The following MNAT1 variants were observed in gnomAD, a reference collection of about 807,000 sequenced individuals.
MNAT1 encodes the protein CDK-activating kinase assembly factor MAT1.
A neutral mutation model predicts 42.0 loss-of-function variants in MNAT1; 43 were observed. The ratio of observed to expected loss-of-function variants is 1.02; its 90% confidence interval spans 0.80 to 1.32. The LOEUF is 1.32. MNAT1 is among the 40% of genes most tolerant of loss of function. The probability of loss-of-function intolerance (pLI) is 0.00; values close to 1 mark genes in which losing one functional copy is unlikely to be tolerated. For missense variants in MNAT1, 306 were observed against 350.4 expected (o/e 0.87, Z 1.01); for synonymous variants, 118 against 120.0 (o/e 0.98, Z 0.11).
rs569957184 is a variant in MNAT1, at chr14:60,742,961, G to T, written c.89+8010G>T. On this transcript the variant is annotated intron_variant, in intron 1 of 7. Transcript: ENST00000261245. ...GAATAATGCTGCTGTGAACATTCAT[G>T]TACAAGTTTTCGTATGGACAAATGT... Among the ~76,000 whole-genome samples, 67 of 152,318 alleles carry T rather than the reference G, an allele frequency of 4.4e-4. No individual in the cohort carries two copies. The South Asian group carries it at 0.014, about 31-fold the overall frequency.
At chr14:60,912,662 T>C (rs2035399628) in intron 7 of MNAT1, among the ~76,000 whole-genome samples, 1 of 152,258 alleles carries the variant, frequency 6.6e-6, no homozygotes, top group African/African-American at 2.4e-5. Flanking sequence ...CACTGTCTTC[T>C]GGCTTGTAGA....
At chr14:60,802,252 G>A (rs2032227492) in intron 3 of MNAT1, among the ~76,000 whole-genome samples, 1 of 152,096 alleles carries the variant, frequency 6.6e-6, no homozygotes, top group Non-Finnish European at 1.5e-5. Flanking sequence ...ATAAGTTTTT[G>A]AGGTCTATTG....
At chr14:60,808,234 C>G (rs2139346509) in intron 3 of MNAT1, 91 bp from the exon 4 acceptor site, 2 of 729,070 alleles carry the variant, frequency 2.7e-6, no homozygotes, top group East Asian at 6.2e-5. Flanking sequence ...GACAACCTAA[C>G]AAATGAGTCA....
chr14:60,799,579 C>A, intron 3 of MNAT1, among the ~76,000 whole-genome samples: 1 of 151,916 alleles, frequency 6.6e-6, no homozygotes, highest in East Asian at 1.9e-4. Context: ...CAATTACAAG[C>A]AGGCAGTCAG....
chr14:60,887,183 T>G (rs1389944504), intron 7 of MNAT1, among the ~76,000 whole-genome samples: 1 of 149,990 alleles, frequency 6.7e-6, no homozygotes, highest in African/African-American at 2.5e-5. Flanking sequence ...TTTTTGTTGT[T>G]GTTGTTACAT....
At chr14:60,745,294 G>A (rs754441282) in intron 1 of MNAT1, among the ~76,000 whole-genome samples, 22 of 152,184 alleles carry the variant, frequency 1.4e-4, no homozygotes, top group Non-Finnish European at 7.4e-5. Flanking sequence ...GGTTGCTCAT[G>A]GTGGGAAGGC....
chr14:60,880,669 T>A (rs1451727025), intron 7 of MNAT1, among the ~76,000 whole-genome samples: 1 of 152,062 alleles, frequency 6.6e-6, no homozygotes, highest in Non-Finnish European at 1.5e-5. Flanking sequence ...CCTACATGCA[T>A]CTTCAAAAAC....
intron 7 of MNAT1, among the ~76,000 whole-genome samples, chr14:60,911,949 G>C (rs969875607): frequency 6.6e-6 from 1 of 151,904 alleles, no homozygotes; most frequent in African/African-American, 2.4e-5. Flanking sequence ...TTATTGTGTG[G>C]GAGTCTAAGT....
At chr14:60,823,575 T>C (rs2032967082) in intron 6 of MNAT1, among the ~76,000 whole-genome samples, 1 of 152,214 alleles carries the variant, frequency 6.6e-6, no homozygotes, top group African/African-American at 2.4e-5. Flanking sequence ...ACTGTACTTG[T>C]GGGCTGGGCA....
intron 1 of MNAT1, among the ~76,000 whole-genome samples, chr14:60,737,375 T>C (rs1460165614): frequency 6.6e-6 from 1 of 152,054 alleles, no homozygotes; most frequent in Non-Finnish European, 1.5e-5. Context: ...AACAGGAATA[T>C]AGCATAAACA....
intron 1 of MNAT1, among the ~76,000 whole-genome samples, chr14:60,780,761 C>T (rs1463191187): frequency 6.6e-6 from 1 of 151,844 alleles, no homozygotes; most frequent in Non-Finnish European, 1.5e-5. Context: ...TTTTTTGGTA[C>T]CTATTTGACT....
chr14:60,839,923 T>C (rs2033498821), intron 6 of MNAT1, among the ~76,000 whole-genome samples: 1 of 152,228 alleles, frequency 6.6e-6, no homozygotes, highest in African/African-American at 2.4e-5. Flanking sequence ...GTGTGGGATC[T>C]GGGCTGATGG....
At chr14:60,853,470 A>T (rs1392319088) in intron 6 of MNAT1, among the ~76,000 whole-genome samples, 5 of 152,314 alleles carry the variant, frequency 3.3e-5, no homozygotes, top group African/African-American at 1.2e-4. Context: ...TTTTTTAAAT[A>T]TACAATCATG....
At chr14:60,879,980 T>C (rs2034516993) in intron 7 of MNAT1, 145 bp downstream of exon 7, 2 of 748,460 alleles carry the variant, frequency 2.7e-6, no homozygotes, top group Non-Finnish European at 3.9e-6. Flanking sequence ...TACCAAATTG[T>C]TTTATTTAGT....
At chr14:60,915,334 T>C (rs2035488817) in intron 7 of MNAT1, among the ~76,000 whole-genome samples, 1 of 152,188 alleles carries the variant, frequency 6.6e-6, no homozygotes, top group African/African-American at 2.4e-5. Flanking sequence ...CTTAATGCAA[T>C]TATATTACGT....
intron 1 of MNAT1, among the ~76,000 whole-genome samples, chr14:60,771,197 T>G (rs1566759217): frequency 6.6e-6 from 1 of 152,208 alleles, no homozygotes; most frequent in Non-Finnish European, 1.5e-5. Flanking sequence ...TGTTTTGTTT[T>G]TTACATCTTT....
chr14:60,846,183 C>T (rs1378398704), intron 6 of MNAT1, among the ~76,000 whole-genome samples: 2 of 151,610 alleles, frequency 1.3e-5, no homozygotes, highest in African/African-American at 2.4e-5. Context: ...CTTTTTCCTT[C>T]ATTCCTTGTC....
intron 7 of MNAT1, among the ~76,000 whole-genome samples, chr14:60,944,519 C>T (rs397843655): frequency 5.9e-5 from 9 of 152,132 alleles, no homozygotes; most frequent in African/African-American, 1.4e-4. Context: ...AGACTTCTAT[C>T]GTTTAAGCCA....
intron 1 of MNAT1, among the ~76,000 whole-genome samples, chr14:60,794,409 A>T: frequency 6.6e-6 from 1 of 151,920 alleles, no homozygotes; most frequent in East Asian, 1.9e-4. Context: ...TCATGCCTAT[A>T]ATCCCAGAAC....
Sources: gnomAD v4.1 joint callset for allele counts (sites outside exome capture counted in the v4.1 genomes callset) on GRCh38, gnomAD v4.1.1 for gene constraint, MANE v1.5 for transcripts, NCBI Gene and HGNC (gene_info 2026-07-23, HGNC 2026-07-21) for gene names.